The following THSD7A variants were observed in gnomAD, a reference collection of about 807,000 sequenced individuals.
The protein encoded by THSD7A is thrombospondin type-1 domain-containing protein 7A.
THSD7A carries 96 observed loss-of-function variants against 231.3 expected under a neutral mutation model. The observed-to-expected ratio is 0.41, with a 90% CI of 0.35 to 0.49. The LOEUF is 0.49. Among genes scored for constraint, THSD7A ranks in the 20% least tolerant of loss-of-function variants. The pLI is 0.05. For synonymous variants in THSD7A, 940 were observed against 743.3 expected, an observed-to-expected ratio of 1.26 and a Z score of -4.30; for missense variants, 2,290 against 2,070.2, an observed-to-expected ratio of 1.11 and a Z score of -2.06.
intron 1 of THSD7A, among the ~76,000 whole-genome samples, chr7:11,817,381 G>GT (rs1172173370): frequency 6.6e-6 from 1 of 152,130 alleles, no homozygotes; most frequent in Non-Finnish European, 1.5e-5. Flanking sequence ...ACAATCACAA[G>GT]TAAAAACAAA....
At chr7:11,472,329 C>A (rs1396468584) in intron 8 of THSD7A, among the ~76,000 whole-genome samples, 1 of 151,982 alleles carries the variant, frequency 6.6e-6, no homozygotes, top group Non-Finnish European at 1.5e-5. Context: ...CAGATAAGAT[C>A]AATAACATTG....
intron 1 of THSD7A, among the ~76,000 whole-genome samples, chr7:11,676,208 G>A (rs1026640251): frequency 6.6e-6 from 1 of 152,134 alleles, no homozygotes; most frequent in African/African-American, 2.4e-5. Flanking sequence ...CAAACAGAAA[G>A]CAATAGCATC....
Position 11,542,975 on chromosome 7 carries a change from C to T in THSD7A, c.1596G>A (p.Gln532=), listed in dbSNP as rs1489462018. 2 of 1,611,820 alleles carry T rather than the reference C, an allele frequency of 1.2e-6. No homozygotes were observed. The highest frequency in any genetic ancestry group is 8.5e-7 in the Non-Finnish European group (1 of 1,179,178). Reference sequence around the variant, plus strand: ...CACGTTACCTACCTTTTTTCCCTTGCTGATCATTACAGTTTTCATAAGTAC... The same window carrying T: ...CACGTTACCTACCTTTTTTCCCTTGTTGATCATTACAGTTTTCATAAGTAC... ...GPCTYENCND[Q]QGKKGFKLRK... The change falls in exon 5 of 28, where the codon CAG becomes CAA. Residue 532 remains glutamine, a synonymous_variant. Transcript: ENST00000423059.
chr7:11,468,754 A>C (rs1351190021), intron 9 of THSD7A, among the ~76,000 whole-genome samples: 1 of 152,102 alleles, frequency 6.6e-6, no homozygotes, highest in Non-Finnish European at 1.5e-5. Flanking sequence ...GAATTGCTTG[A>C]ACCCAGGAGG....
intron 11 of THSD7A, among the ~76,000 whole-genome samples, chr7:11,448,213 A>T (rs11971227): frequency 1.3e-5 from 2 of 149,014 alleles, no homozygotes; most frequent in African/African-American, 4.9e-5. Context: ...TATTTCGCCT[A>T]TGATATTGTT....
intron 1 of THSD7A, among the ~76,000 whole-genome samples, chr7:11,668,443 GAA>G (rs1489944372): frequency 7.7e-6 from 1 of 130,666 alleles, no homozygotes; most frequent in Admixed American, 8.1e-5. Context: ...AGAAAAGAAA[GAA>G]AGAGAGAGAG....
chr7:11,606,658 A>T (rs1178933591), intron 2 of THSD7A, among the ~76,000 whole-genome samples: 1 of 144,652 alleles, frequency 6.9e-6, no homozygotes, highest in Non-Finnish European at 1.6e-5. Flanking sequence ...TAAATTTAAT[A>T]ATACTTTTTT....
At chr7:11,502,369 TC>T (rs1562662640) in intron 6 of THSD7A, among the ~76,000 whole-genome samples, 1 of 152,084 alleles carries the variant, frequency 6.6e-6, no homozygotes, top group Admixed American at 6.6e-5. Flanking sequence ...TTGATGAACA[TC>T]GATGCAACTA....
chr7:11,413,355 G>A (rs1196670599), intron 17 of THSD7A, among the ~76,000 whole-genome samples: 1 of 151,470 alleles, frequency 6.6e-6, no homozygotes, highest in African/African-American at 2.4e-5. Context: ...TTGGCCATAG[G>A]GACCACAGAG....
Position 11,827,470 on chromosome 7 carries a change from C to T in THSD7A, c.190+4287G>A, listed in dbSNP as rs960375968. On this transcript the variant is annotated intron_variant, in intron 1 of 27. Coordinates refer to ENST00000423059, the MANE Select transcript of THSD7A (RefSeq NM_015204.3). Reference sequence around the variant, plus strand: ...TCTAAACTTTTAAAATACTTTTTGCCACAATCTCCTTTATAAAATACCGTC... The same window carrying T: ...TCTAAACTTTTAAAATACTTTTTGCTACAATCTCCTTTATAAAATACCGTC... Among the ~76,000 whole-genome samples, 6 of 152,018 alleles carry T rather than the reference C, an allele frequency of 3.9e-5. 1 individual carries two copies. The South Asian group carries it at 1.2e-3, about 32-fold the overall frequency.
At chr7:11,537,205 C>T (rs545615985) in intron 6 of THSD7A, among the ~76,000 whole-genome samples, 1 of 152,244 alleles carries the variant, frequency 6.6e-6, no homozygotes, top group East Asian at 1.9e-4. Flanking sequence ...TAGGCGGAAA[C>T]ATATCTTATT....
At chr7:11,545,008 CATAAA>C (rs1355180962) in intron 4 of THSD7A, among the ~76,000 whole-genome samples, 2 of 152,148 alleles carry the variant, frequency 1.3e-5, no homozygotes, top group East Asian at 3.9e-4. Context: ...ACACTAATGA[CATAAA>C]ATATAGAAAT....
At chr7:11,426,548 A>T in intron 15 of THSD7A, 118 bp downstream of exon 15, 1 of 1,120,558 alleles carries the variant, frequency 8.9e-7, no homozygotes, top group Non-Finnish European at 1.2e-6. Flanking sequence ...GGAAAATATG[A>T]CATTTTCTCC....
At chr7:11,519,126 T>C (rs972639182) in intron 6 of THSD7A, among the ~76,000 whole-genome samples, 1 of 152,078 alleles carries the variant, frequency 6.6e-6, no homozygotes, top group Non-Finnish European at 1.5e-5. Flanking sequence ...ATATAATATC[T>C]TTATTGAAGT....
intron 1 of THSD7A, among the ~76,000 whole-genome samples, chr7:11,653,919 TAATA>T (rs1403778013): frequency 6.6e-6 from 1 of 151,960 alleles, no homozygotes; most frequent in Non-Finnish European, 1.5e-5. Flanking sequence ...TCACTTGAAT[TAATA>T]GTTTATTGAT....
At chr7:11,423,298 A>T (rs951248315) in intron 16 of THSD7A, among the ~76,000 whole-genome samples, 1 of 151,914 alleles carries the variant, frequency 6.6e-6, no homozygotes, top group Non-Finnish European at 1.5e-5. Context: ...TAAAACACCA[A>T]TCTTAAATGC....
chr7:11,618,685 C>G (rs1426050932), intron 2 of THSD7A, among the ~76,000 whole-genome samples: 3 of 151,634 alleles, frequency 2.0e-5, no homozygotes, highest in African/African-American at 7.3e-5. Context: ...CTACTTGGGA[C>G]GCTGAGGCAG....
chr7:11,579,296 T>C (rs535422962), intron 4 of THSD7A, among the ~76,000 whole-genome samples: 3 of 152,318 alleles, frequency 2.0e-5, no homozygotes, highest in Admixed American at 6.5e-5. Context: ...TGAGCAATCA[T>C]CAGCAAGGCA....
At chr7:11,662,209 T>A (rs1782953389) in intron 1 of THSD7A, among the ~76,000 whole-genome samples, 1 of 151,180 alleles carries the variant, frequency 6.6e-6, no homozygotes, top group Admixed American at 6.6e-5. Context: ...AAAACCTAAA[T>A]CTATATATTG....
Sources: allele counts gnomAD v4.1 joint callset (sites outside exome capture counted in the v4.1 genomes callset), GRCh38; gene constraint gnomAD v4.1.1; transcripts MANE v1.5; gene names NCBI Gene and HGNC (gene_info 2026-07-23, HGNC 2026-07-21).